The following GALNT18 variants were observed in gnomAD, a reference collection of about 807,000 sequenced individuals.
GALNT18 encodes the protein polypeptide N-acetylgalactosaminyltransferase 18, also known as GalNAc-transferase 18.
Under a neutral mutation model 69.5 loss-of-function variants are expected in GALNT18, and 44 were observed. The observed-to-expected ratio is 0.63, with a 90% confidence interval of 0.50 to 0.81. The LOEUF (loss-of-function observed/expected upper bound fraction) is 0.81, where lower values mean the gene tolerates loss of function less well. GALNT18 is among the 40% of genes least tolerant of loss of function. The pLI is 0.00. For missense variants in GALNT18, 715 were observed against 810.0 expected (o/e 0.88, Z 1.42); for synonymous variants, 364 against 318.2 (o/e 1.14, Z -1.53).
Position 11,619,026 on chromosome 11 carries a change from G to C in GALNT18, c.235+2333C>G, listed in dbSNP as rs753659981. Among the ~76,000 whole-genome samples the C allele has an allele frequency of 5.3e-5, 8 of 152,130 alleles. No homozygotes were observed. The highest frequency in any genetic ancestry group is 7.2e-5 in the African/African-American group (3 of 41,434). On this transcript the variant is annotated intron_variant, in intron 1 of 10. Transcript: ENST00000227756. The surrounding 1 kb of genome is among the most constrained non-coding windows in gnomAD (Gnocchi z 4.9). Reference sequence around the variant, plus strand: ...CACTTGACCAGCCCCAAATTTTATAGGCCCTTTACCTCTGTTTCCTAAATC... The same window carrying C: ...CACTTGACCAGCCCCAAATTTTATACGCCCTTTACCTCTGTTTCCTAAATC...
At chr11:11,571,846 G>T (rs1015556664) in intron 1 of GALNT18, among the ~76,000 whole-genome samples, 3 of 152,152 alleles carry the variant, frequency 2.0e-5, no homozygotes, top group Admixed American at 2.0e-4. Context: ...ACTTACTGAC[G>T]ACAGTATCTG....
chr11:11,287,830 C>T (rs1387732260), intron 10 of GALNT18, among the ~76,000 whole-genome samples: 4 of 152,018 alleles, frequency 2.6e-5, no homozygotes, highest in Admixed American at 6.6e-5. Context: ...TTCTGCCTGC[C>T]CACCAAATGT....
chr11:11,526,597 G>A (rs946557279), intron 1 of GALNT18, among the ~76,000 whole-genome samples: 13 of 152,052 alleles, frequency 8.5e-5, no homozygotes, highest in Admixed American at 2.6e-4. Context: ...CCCAAATACC[G>A]GTAGCTTATA....
In GALNT18 at chr11:11,496,355, G is replaced by C. The variant is rs1321192454; in HGVS notation, c.236-47419C>G. 6.6e-6 allele frequency among the ~76,000 whole-genome samples: 1 copy of C among 152,124 alleles called. No homozygotes were observed. The highest frequency in any genetic ancestry group is 1.5e-5 in the Non-Finnish European group (1 of 68,026). ...TCCACATGCTGCCATACTGCAAACT[G>C]GGTCCAATTACAGGGAAGGAGGGTC... On this transcript the variant is annotated intron_variant, in intron 1 of 10. Transcript: ENST00000227756. This position sits in a 1 kb window ranked among gnomAD's most constrained non-coding sequence, Gnocchi z 4.0.
At chr11:11,287,943 T>A (rs1849223846) in intron 10 of GALNT18, among the ~76,000 whole-genome samples, 2 of 152,172 alleles carry the variant, frequency 1.3e-5, no homozygotes, top group Non-Finnish European at 2.9e-5. Context: ...GAAATGTCTC[T>A]CAAAGTCCTC....
At chr11:11,292,404 A>G (rs1441063567) in intron 10 of GALNT18, among the ~76,000 whole-genome samples, 1 of 152,108 alleles carries the variant, frequency 6.6e-6, no homozygotes, top group African/African-American at 2.4e-5. Flanking sequence ...GAAGTCAAAT[A>G]TGGGCCCCTG....
At chr11:11,580,009 G>C (rs1156676685) in intron 1 of GALNT18, among the ~76,000 whole-genome samples, 1 of 152,212 alleles carries the variant, frequency 6.6e-6, no homozygotes, top group Non-Finnish European at 1.5e-5. Flanking sequence ...AGGAAGGCCA[G>C]GTGGAGGGAG....
chr11:11,426,672 A>G (rs780827926), intron 3 of GALNT18, among the ~76,000 whole-genome samples: 1 of 152,208 alleles, frequency 6.6e-6, no homozygotes, highest in Non-Finnish European at 1.5e-5. Context: ...AGTATGTCAG[A>G]AGGCAGTTGG....
At chr11:11,431,078 A>G (rs1855252622) in intron 3 of GALNT18, among the ~76,000 whole-genome samples, 3 of 152,190 alleles carry the variant, frequency 2.0e-5, no homozygotes, top group Admixed American at 1.3e-4. Context: ...TCCAAATGGC[A>G]TCCTTAAGGA....
chr11:11,541,372 G>GCCTTCAGTACCCCTC lies in GALNT18; in HGVS notation c.235+79986_235+79987insGAGGGGTACTGAAGG, dbSNP rs1465418735. 1.3e-5 allele frequency among the ~76,000 whole-genome samples: 2 copies of GCCTTCAGTACCCCTC among 151,984 alleles called. No homozygotes were observed. The highest frequency in any genetic ancestry group is 4.8e-5 in the African/African-American group (2 of 41,372). On this transcript the variant is annotated intron_variant, in intron 1 of 10. Coordinates refer to ENST00000227756, the MANE Select transcript of GALNT18 (RefSeq NM_198516.3). This position sits in a 1 kb window ranked among gnomAD's most constrained non-coding sequence, Gnocchi z 4.8. ...CACCACCGTTATGATGATGATCTCC[G>GCCTTCAGTACCCCTC]CCTTCAGTACCTCTCCCTGGCTCTT...
chr11:11,281,111 A>G (rs1393326660), intron 10 of GALNT18, among the ~76,000 whole-genome samples: 1 of 152,182 alleles, frequency 6.6e-6, no homozygotes, highest in African/African-American at 2.4e-5. Flanking sequence ...CTTCCCCACC[A>G]TGCTGGGAGC....
At chr11:11,547,692 C>A (rs1344308912) in intron 1 of GALNT18, among the ~76,000 whole-genome samples, 1 of 152,214 alleles carries the variant, frequency 6.6e-6, no homozygotes, top group Non-Finnish European at 1.5e-5. Flanking sequence ...AAGCCATCTC[C>A]CTGAATCCAT....
intron 9 of GALNT18, among the ~76,000 whole-genome samples, chr11:11,300,353 G>C (rs543844824): frequency 6.6e-6 from 1 of 152,290 alleles, no homozygotes; most frequent in East Asian, 1.9e-4. Context: ...GGGGTAGAAA[G>C]GGAGAGTTAT....
chr11:11,381,893 C>T (rs1853930015), intron 3 of GALNT18, among the ~76,000 whole-genome samples: 1 of 152,218 alleles, frequency 6.6e-6, no homozygotes, highest in Admixed American at 6.5e-5. Context: ...ACCATAACTT[C>T]TGGAATGGTT....
At chr11:11,479,378 C>T (rs1856474130) in intron 1 of GALNT18, among the ~76,000 whole-genome samples, 1 of 152,108 alleles carries the variant, frequency 6.6e-6, no homozygotes, top group Non-Finnish European at 1.5e-5. Context: ...AAATATAAGG[C>T]AGCCAAATCC....
rs933040263 is a variant in GALNT18, at chr11:11,421,493, T to C, written c.595+11128A>G. Among the ~76,000 whole-genome samples, 4 of 151,968 alleles carry C rather than the reference T, an allele frequency of 2.6e-5. No homozygotes were observed. Among genetic ancestry groups the C allele is most frequent in the Non-Finnish European group, 4.4e-5 (3 of 67,994 alleles). On this transcript the variant is annotated intron_variant, in intron 3 of 10. Coordinates refer to ENST00000227756, the MANE Select transcript of GALNT18 (RefSeq NM_198516.3). This position sits in a 1 kb window ranked among gnomAD's most constrained non-coding sequence, Gnocchi z 5.6. ...GAGTCTAGCCCCTCAAGGAAGAGGA[T>C]TGACCAGGGCTAGCTGGGAAGCTGG...
At chr11:11,272,315 C>T (rs1848844831) in intron 10 of GALNT18, among the ~76,000 whole-genome samples, 1 of 152,240 alleles carries the variant, frequency 6.6e-6, no homozygotes, top group African/African-American at 2.4e-5. Context: ...ATCCCTTTCC[C>T]ATCACACTTG....
chr11:11,400,232 T>G (rs1035204222), intron 3 of GALNT18, among the ~76,000 whole-genome samples: 3 of 152,222 alleles, frequency 2.0e-5, no homozygotes, highest in African/African-American at 4.8e-5. Context: ...GCATCTTTAC[T>G]ACAACCTCAT....
chr11:11,388,206 G>A (rs774036848), intron 3 of GALNT18, among the ~76,000 whole-genome samples: 11 of 152,064 alleles, frequency 7.2e-5, no homozygotes, highest in Non-Finnish European at 1.3e-4. Context: ...TCTACTCTTT[G>A]GTGTCACAGT....
Sources: gnomAD v4.1 joint callset for allele counts (sites outside exome capture counted in the v4.1 genomes callset) on GRCh38, gnomAD v4.1.1 for gene constraint, Gnocchi (gnomAD v3.1) non-coding constraint, MANE v1.5 for transcripts, NCBI Gene and HGNC (gene_info 2026-07-23, HGNC 2026-07-21) for gene names.